The following NCKAP5 variants were observed in gnomAD, a reference collection of about 807,000 sequenced individuals.
The protein encoded by NCKAP5 is NCK associated protein 5.
In NCKAP5, 92 loss-of-function variants were observed where a neutral mutation model predicts 167.0. The ratio of observed to expected loss-of-function variants is 0.55; its 90% CI spans 0.47 to 0.66. NCKAP5 has a LOEUF of 0.66. NCKAP5 is among the 30% of genes least tolerant of loss of function. The pLI is 0.00. For missense variants in NCKAP5, 2,378 were observed against 2,315.0 expected (o/e 1.03, Z -0.56); for synonymous variants, 891 against 877.4 (o/e 1.02, Z -0.27).
At chr2:132,694,459 T>C (rs1243510059) in intron 19 of NCKAP5, among the ~76,000 whole-genome samples, 3 of 133,610 alleles carry the variant, frequency 2.2e-5, no homozygotes, top group Non-Finnish European at 5.1e-5. Context: ...TGCAAAGGTG[T>C]ACTTGGCCCA....
chr2:133,385,380 C>A lies in NCKAP5; in HGVS notation c.70-82270G>T, dbSNP rs1217776236. Among the ~76,000 whole-genome samples, 3 of 152,316 alleles carry A rather than the reference C, an allele frequency of 2.0e-5. No individual in the cohort carries two copies. The East Asian group carries it at 5.8e-4, about 29-fold the overall frequency. Reference sequence around the variant, plus strand: ...ATTTGCATATGTTGAACCAGCCTTGCATCCCAGGGATGAAGCCCACTTGAT... The same window carrying A: ...ATTTGCATATGTTGAACCAGCCTTGAATCCCAGGGATGAAGCCCACTTGAT... On this transcript the variant is annotated intron_variant, in intron 3 of 19. Transcript: ENST00000409261.
intron 3 of NCKAP5, among the ~76,000 whole-genome samples, chr2:133,500,744 T>C (rs930464681): frequency 6.6e-6 from 1 of 152,214 alleles, no homozygotes; most frequent in Non-Finnish European, 1.5e-5. Flanking sequence ...TATATTGAAT[T>C]TTCTTCAGGA....
chr2:132,756,957 T>C (rs547386329), intron 16 of NCKAP5, among the ~76,000 whole-genome samples: 1 of 152,270 alleles, frequency 6.6e-6, no homozygotes, highest in African/African-American at 2.4e-5. Context: ...CATGAAAGTC[T>C]CTCTTCAAAT....
chr2:132,869,157 C>T (rs1251129327), intron 9 of NCKAP5, among the ~76,000 whole-genome samples, 183 bp from the exon 10 acceptor site: 2 of 152,074 alleles, frequency 1.3e-5, no homozygotes, highest in East Asian at 3.8e-4. Flanking sequence ...TAATATTTTG[C>T]TTTCTCCAAA....
At chr2:133,343,785 C>T (rs1316253321) in intron 3 of NCKAP5, among the ~76,000 whole-genome samples, 4 of 152,200 alleles carry the variant, frequency 2.6e-5, no homozygotes, top group Non-Finnish European at 4.4e-5. Flanking sequence ...TCTGAATTCA[C>T]GTCGCCATAA....
intron 1 of NCKAP5, among the ~76,000 whole-genome samples, chr2:133,561,137 GT>G (rs1451962589): frequency 6.6e-6 from 1 of 152,128 alleles, no homozygotes; most frequent in Non-Finnish European, 1.5e-5. Flanking sequence ...CATTTTCACA[GT>G]TTTACTGCTA....
At chr2:132,682,561 A>G (rs1685367117) in intron 19 of NCKAP5, among the ~76,000 whole-genome samples, 1 of 152,214 alleles carries the variant, frequency 6.6e-6, no homozygotes, top group African/African-American at 2.4e-5. Flanking sequence ...CATTAGATAT[A>G]CCAGAAAGTG....
At chr2:133,082,246 T>C (rs115942488) in intron 6 of NCKAP5, among the ~76,000 whole-genome samples, 69 of 152,298 alleles carry the variant, frequency 4.5e-4, no homozygotes, top group African/African-American at 1.6e-3. Context: ...ACAGCATTTT[T>C]GATCTCAATA....
chr2:132,784,553 C>A lies in NCKAP5; in HGVS notation c.2258G>T (p.Arg753Met). ...IPKDNVDNVP[R>M]VSTESFSSRT... The stretch of plus-strand genomic sequence containing the variant: ...GGAGCTGAAAGATTCAGTGGACACC[C>A]TGGGAACATTATCTACATTATCTTT... Residue 753 changes from arginine to methionine, a missense_variant, in exon 14 of 20, where the codon AGG becomes ATG. By Grantham distance (91) the Arg-to-Met change is moderately conservative. Transcript: ENST00000409261. 1 of 1,574,746 alleles carries A rather than the reference C, an allele frequency of 6.4e-7. No homozygotes were observed. The highest frequency in any genetic ancestry group is 1.2e-5 in the South Asian group (1 of 83,648).
chr2:133,187,686 A>G (rs2085007664), intron 5 of NCKAP5, among the ~76,000 whole-genome samples: 1 of 152,090 alleles, frequency 6.6e-6, no homozygotes, highest in African/African-American at 2.4e-5. Context: ...ATTTTCCCAA[A>G]TTGATATTTA....
intron 3 of NCKAP5, among the ~76,000 whole-genome samples, chr2:133,332,730 T>C (rs1219040792): frequency 6.6e-6 from 1 of 152,016 alleles, no homozygotes; most frequent in African/African-American, 2.4e-5. Flanking sequence ...AAAAAAATAA[T>C]AATAAGTGTT....
chr2:133,180,934 AG>A (rs1417774900), intron 5 of NCKAP5, among the ~76,000 whole-genome samples: 1 of 152,134 alleles, frequency 6.6e-6, no homozygotes, highest in African/African-American at 2.4e-5. Flanking sequence ...GTATCTAATA[AG>A]GGATTAAAAT....
At chr2:133,635,954 A>G in the NCKAP5 span, among the ~76,000 whole-genome samples, 1 of 152,208 alleles carries the variant, frequency 6.6e-6, no homozygotes, top group Non-Finnish European at 1.5e-5. Flanking sequence ...AAGCAGAGTT[A>G]TGGACACAAT....
chr2:132,673,501 T>C (rs1184201631), intron 19 of NCKAP5, among the ~76,000 whole-genome samples, 196 bp from the exon 20 acceptor site: 1 of 152,170 alleles, frequency 6.6e-6, no homozygotes, highest in Non-Finnish European at 1.5e-5. Context: ...TTTAATCATT[T>C]TACTGAGATA....
chr2:133,076,297 A>C (rs374131977), intron 6 of NCKAP5, among the ~76,000 whole-genome samples: 65 of 152,308 alleles, frequency 4.3e-4, no homozygotes, highest in African/African-American at 1.5e-3. Context: ...CTGTATGTCC[A>C]AGGAACTCAT....
intron 1 of NCKAP5, among the ~76,000 whole-genome samples, chr2:133,562,964 A>T (rs988536904): frequency 6.6e-6 from 1 of 152,192 alleles, no homozygotes; most frequent in Non-Finnish European, 1.5e-5. Flanking sequence ...AAAGGCATTA[A>T]ACCCTGTAGA....
chr2:133,172,558 G>A (rs550517703), intron 5 of NCKAP5, among the ~76,000 whole-genome samples: 15 of 152,232 alleles, frequency 9.9e-5, no homozygotes, highest in Non-Finnish European at 1.9e-4. Flanking sequence ...TGCAACCTCC[G>A]CCTCCCAAGT....
intron 6 of NCKAP5, among the ~76,000 whole-genome samples, chr2:133,022,633 T>C (rs182717523): frequency 1.3e-5 from 2 of 152,274 alleles, no homozygotes; most frequent in Admixed American, 1.3e-4. Flanking sequence ...CATTCCTCTT[T>C]TCCAGAATCA....
intron 4 of NCKAP5, among the ~76,000 whole-genome samples, chr2:133,230,896 G>C (rs1168422868): frequency 1.3e-5 from 2 of 152,110 alleles, no homozygotes; most frequent in East Asian, 3.9e-4. Flanking sequence ...GTTTTTACAG[G>C]CTTCAATTTG....
Sources: gnomAD v4.1 joint callset for allele counts (sites outside exome capture counted in the v4.1 genomes callset) on GRCh38, gnomAD v4.1.1 for gene constraint, MANE v1.5 for transcripts, NCBI Gene and HGNC (gene_info 2026-07-23, HGNC 2026-07-21) for gene names.